Variants in DIAPH2 observed in about 807,000 individuals in gnomAD.
DIAPH2 encodes protein diaphanous homolog 2.
In DIAPH2, 35 loss-of-function variants were observed where a neutral mutation model predicts 92.7. The ratio of observed to expected loss-of-function variants is 0.38; its 90% confidence interval spans 0.29 to 0.50. The LOEUF (loss-of-function observed/expected upper bound fraction) is 0.50. Ranked by LOEUF, DIAPH2 falls within the 20% of genes least tolerant of loss-of-function variation. The pLI, the probability that DIAPH2 is intolerant of heterozygous loss-of-function variation, is 0.94. For missense variants in DIAPH2, 701 were observed against 819.5 expected, an observed-to-expected ratio of 0.86 and a Z score of 1.77; for synonymous variants, 301 against 280.4, an observed-to-expected ratio of 1.07 and a Z score of -0.73.
intron 9 of DIAPH2, among the ~76,000 whole-genome samples, chrX:96,926,179 A>G (rs1178835971): frequency 9.0e-6 from 1 of 111,380 alleles, no homozygotes; most frequent in Non-Finnish European, 1.9e-5. Flanking sequence ...AAATAGATAG[A>G]TGTTTGTATA....
At chrX:97,025,968 G>A (rs1159545529) in intron 17 of DIAPH2, among the ~76,000 whole-genome samples, 2 of 111,544 alleles carry the variant, frequency 1.8e-5, no homozygotes, top group African/African-American at 3.3e-5. Flanking sequence ...ACCAAGTATG[G>A]CATTACCTTA....
chrX:96,713,799 T>G, intron 1 of DIAPH2, among the ~76,000 whole-genome samples: 1 of 111,938 alleles, frequency 8.9e-6, no homozygotes. Context: ...TTCCACCATG[T>G]TTTTTTCATG....
At chrX:96,926,730 T>C (rs186278217) in intron 9 of DIAPH2, among the ~76,000 whole-genome samples, 5 of 111,750 alleles carry the variant, frequency 4.5e-5, no homozygotes, top group Non-Finnish European at 9.4e-5. Context: ...ATTCATTTAA[T>C]AGGATATATA....
rs774401081 is a variant in DIAPH2, at chrX:97,551,745, C to A, written c.3242-47508C>A. ...TTTTTAGGAGGATCTAGGTAGATAT[C>A]TCACTCTGATTATTCCCGAAGTATG... On this transcript the variant is annotated intron_variant, in intron 26 of 26. Transcript: ENST00000324765. Among the ~76,000 whole-genome samples, 177 of 111,052 alleles carry A rather than the reference C, an allele frequency of 1.6e-3. 2 individuals are homozygous for A. Among genetic ancestry groups the A allele is most frequent in the African/African-American group, 5.6e-3 (170 of 30,610 alleles).
intron 9 of DIAPH2, among the ~76,000 whole-genome samples, chrX:96,926,268 A>AT (rs2065580918): frequency 9.3e-6 from 1 of 107,693 alleles, no homozygotes; most frequent in East Asian, 3.0e-4. Flanking sequence ...TTGTGTTCAA[A>AT]TATTTCCCTT....
chrX:96,926,035 A>G (rs2065579119), intron 9 of DIAPH2, among the ~76,000 whole-genome samples: 1 of 111,712 alleles, frequency 9.0e-6, no homozygotes, highest in Non-Finnish European at 1.9e-5. Context: ...GTACTTAATA[A>G]GGTCAAGTGT....
At chrX:97,467,256 C>T (rs1159508108) in intron 26 of DIAPH2, among the ~76,000 whole-genome samples, 1 of 111,936 alleles carries the variant, frequency 8.9e-6, no homozygotes, top group Non-Finnish European at 1.9e-5. Flanking sequence ...GTTACAGTCC[C>T]GTGATGCTCA....
intron 5 of DIAPH2, among the ~76,000 whole-genome samples, chrX:96,894,974 ATTTTTT>A (rs766131166): frequency 6.7e-5 from 4 of 59,531 alleles, no homozygotes; most frequent in Admixed American, 4.5e-4. Context: ...GTTTTTCTTA[ATTTTTT>A]TTTTTTTTTT....
chrX:96,872,177 T>C lies in DIAPH2; in HGVS notation c.448-9402T>C, dbSNP rs775118303. On this transcript the variant is annotated intron_variant, in intron 4 of 26. Coordinates refer to ENST00000324765, the MANE Select transcript of DIAPH2 (RefSeq NM_006729.5). The stretch of plus-strand genomic sequence containing the variant: ...TTATTGTTGACTATAGTCACCCTGT[T>C]GTGCTATCAAATGCCAGATCTTACC... Among the ~76,000 whole-genome samples, 7 of 111,651 alleles carry C rather than the reference T, an allele frequency of 6.3e-5. No individual in the cohort carries two copies. In the South Asian group the frequency reaches 2.7e-3, roughly 43 times the overall value.
At chrX:97,380,300 A>C (rs768760825) in intron 24 of DIAPH2, among the ~76,000 whole-genome samples, 1 of 111,560 alleles carries the variant, frequency 9.0e-6, no homozygotes, top group Non-Finnish European at 1.9e-5. Flanking sequence ...TTAACAGAAC[A>C]CTGTCCTGTA....
intron 25 of DIAPH2, among the ~76,000 whole-genome samples, chrX:97,423,335 G>T (rs981560774): frequency 6.8e-4 from 76 of 111,875 alleles, no homozygotes; most frequent in African/African-American, 2.3e-3. Context: ...GTGCAGAAAT[G>T]TGAGAAACCC....
intron 4 of DIAPH2, among the ~76,000 whole-genome samples, chrX:96,770,883 C>A (rs1450532242): frequency 8.9e-6 from 1 of 111,911 alleles, no homozygotes; most frequent in African/African-American, 3.2e-5. Context: ...TTATATGCAA[C>A]GAGTAGCTAC....
intron 12 of DIAPH2, 64 bp downstream of exon 12, chrX:96,939,446 A>G: frequency 9.4e-6 from 4 of 424,653 alleles, no homozygotes; most frequent in South Asian, 3.5e-5. Flanking sequence ...GAAAATGAAC[A>G]ATGTAGTGGG....
At chrX:96,871,609 C>T in intron 4 of DIAPH2, among the ~76,000 whole-genome samples, 1 of 110,698 alleles carries the variant, frequency 9.0e-6, no homozygotes, top group Non-Finnish European at 1.9e-5. Context: ...GCCATGGGCC[C>T]CTCTGAAAGT....
intron 3 of DIAPH2, among the ~76,000 whole-genome samples, chrX:96,742,848 G>A (rs1267590210): frequency 9.0e-6 from 1 of 110,887 alleles, no homozygotes; most frequent in African/African-American, 3.3e-5. Context: ...TGTATTTTTA[G>A]TAGAGACGGG....
rs769132248 is a variant in DIAPH2, at chrX:96,918,179, T to C, written c.870-330T>C. ...GAGGAATCAGTTCAAGAAATCTATT[T>C]TATGTGATAGTGACTGTAGTTAATA... On this transcript the variant is annotated intron_variant, in intron 8 of 26. Transcript: ENST00000324765. Among the ~76,000 whole-genome samples, 5 of 111,084 alleles carry C rather than the reference T, an allele frequency of 4.5e-5. No individual in the cohort carries two copies. The East Asian group carries it at 1.1e-3, about 25-fold the overall frequency.
chrX:96,744,264 T>G (rs751309485), intron 3 of DIAPH2, among the ~76,000 whole-genome samples: 44 of 112,288 alleles, frequency 3.9e-4, no homozygotes, highest in Non-Finnish European at 7.7e-4. Flanking sequence ...TTAAGTGTAT[T>G]ATTTCAATTG....
At chrX:97,520,229 G>GT (rs761255120) in intron 26 of DIAPH2, among the ~76,000 whole-genome samples, 2 of 112,207 alleles carry the variant, frequency 1.8e-5, no homozygotes, top group African/African-American at 3.2e-5. Flanking sequence ...TACAGGCTAT[G>GT]TTTTTTTAAA....
rs1408613690 is a variant in DIAPH2 at position 97,600,006 on chromosome X, A to G, written c.*689A>G. ...GCTAAAAATAAATAAACCAAAGTTTAACCGAATCAGTTAGGGAAAGTGATT... is the reference window on the plus strand; with the variant it reads ...GCTAAAAATAAATAAACCAAAGTTTGACCGAATCAGTTAGGGAAAGTGATT... On this transcript the variant is annotated 3_prime_UTR_variant, in exon 27 of 27. Transcript: ENST00000324765. 8.9e-6 allele frequency: 1 copy of G among 112,816 alleles called. No individual in the cohort carries two copies. Among genetic ancestry groups the G allele is most frequent in the East Asian group, 2.8e-4 (1 of 3,611 alleles). 9.3% of individuals were successfully genotyped at this position (112,816 alleles called of 1,213,427 possible). A position where few individuals can be genotyped will look rare whatever the true frequency, so the allele number is the denominator to read the frequency against.
Sources: gnomAD v4.1 joint callset for allele counts (sites outside exome capture counted in the v4.1 genomes callset) on GRCh38, gnomAD v4.1.1 for gene constraint, MANE v1.5 for transcripts, NCBI Gene and HGNC (gene_info 2026-07-23, HGNC 2026-07-21) for gene names.